Variants in GNAO1 observed in about 807,000 individuals in gnomAD.
GNAO1 encodes guanine nucleotide-binding protein G(o) subunit alpha.
For synonymous variants in GNAO1, 164 were observed against 180.7 expected (o/e 0.91, Z 0.74); for missense variants, 166 against 478.7 (o/e 0.35, Z 6.10).
intron 2 of GNAO1, chr16:56,213,262 C>G (rs2036407525): frequency 2.5e-6 from 1 of 397,792 alleles, no homozygotes; most frequent in Non-Finnish European, 4.4e-6. Flanking sequence ...TTTTTTTTCC[C>G]ACTCTGCAGA....
chr16:56,335,986 G>T (rs1334408472), intron 5 of GNAO1, among the ~76,000 whole-genome samples: 11 of 152,152 alleles, frequency 7.2e-5, no homozygotes, highest in African/African-American at 2.7e-4. Flanking sequence ...TCCCCCTCTG[G>T]CAGGCTGTGT....
intron 2 of GNAO1, among the ~76,000 whole-genome samples, chr16:56,224,117 C>T (rs555040467): frequency 6.6e-6 from 1 of 152,272 alleles, no homozygotes; most frequent in Non-Finnish European, 1.5e-5. Context: ...CCTGTCTGGC[C>T]AGTACGTCTT....
chr16:56,223,392 T>TA (rs1425248202), intron 2 of GNAO1, among the ~76,000 whole-genome samples: 1 of 152,258 alleles, frequency 6.6e-6, no homozygotes, highest in Non-Finnish European at 1.5e-5. Context: ...CCTCCATTGT[T>TA]ATATCTCTCT....
At chr16:56,319,865 C>G (rs2037554381) in intron 3 of GNAO1, among the ~76,000 whole-genome samples, 1 of 152,106 alleles carries the variant, frequency 6.6e-6, no homozygotes, top group Non-Finnish European at 1.5e-5. Flanking sequence ...CCTTGCCCAC[C>G]CCTTTCTCCA....
At chr16:56,234,055 G>A (rs1303930561) in intron 2 of GNAO1, among the ~76,000 whole-genome samples, 1 of 152,190 alleles carries the variant, frequency 6.6e-6, no homozygotes, top group Non-Finnish European at 1.5e-5. Flanking sequence ...CTGGGAGGTT[G>A]ATTCACTTCT....
chr16:56,212,130 A>AC (rs1402269889), intron 2 of GNAO1, among the ~76,000 whole-genome samples: 15 of 152,316 alleles, frequency 9.8e-5, no homozygotes, highest in African/African-American at 3.6e-4. Context: ...AGTGGCTTTT[A>AC]CTGTTTAAAA....
At chr16:56,253,624 G>A (rs1331977209) in intron 2 of GNAO1, among the ~76,000 whole-genome samples, 1 of 152,178 alleles carries the variant, frequency 6.6e-6, no homozygotes, top group Admixed American at 6.5e-5. Context: ...CAGCTCACTG[G>A]GCCACTCTTC....
intron 3 of GNAO1, chr16:56,300,884 A>G (rs1284954921): frequency 1.3e-5 from 2 of 152,180 alleles, no homozygotes; most frequent in Admixed American, 6.5e-5. Context: ...AGTTTTACTT[A>G]AGCCTCATTT....
intron 6 of GNAO1, chr16:56,346,658 A>G (rs3811360): frequency 0.11 from 112,372 of 985,218 alleles, 6,456 homozygotes; most frequent in East Asian, 0.16. Context: ...TCTGGGTTCC[A>G]TGGGGACCCT....
At chr16:56,257,259 C>A (rs551994837) in intron 2 of GNAO1, among the ~76,000 whole-genome samples, 34 of 152,290 alleles carry the variant, frequency 2.2e-4, no homozygotes, top group African/African-American at 6.5e-4. Flanking sequence ...GTTGAGTCGG[C>A]AATCCATGGT....
chr16:56,329,334 G>T, intron 4 of GNAO1: 1 of 152,322 alleles, frequency 6.6e-6, no homozygotes, highest in Non-Finnish European at 1.5e-5. Flanking sequence ...GATGACAGGA[G>T]GGCAGGAGGA....
chr16:56,318,359 C>T (rs2037535259), intron 3 of GNAO1, among the ~76,000 whole-genome samples: 1 of 152,204 alleles, frequency 6.6e-6, no homozygotes, highest in Non-Finnish European at 1.5e-5. Context: ...GGTCTCTCTG[C>T]CCCTTCGCGT....
intron 2 of GNAO1, among the ~76,000 whole-genome samples, chr16:56,263,521 T>C (rs1252719520): frequency 1.3e-5 from 2 of 152,028 alleles, no homozygotes; most frequent in African/African-American, 4.8e-5. Flanking sequence ...CACAGAATAA[T>C]GTAGGGAAGG....
At chr16:56,234,004 C>T (rs1231191321) in intron 2 of GNAO1, among the ~76,000 whole-genome samples, 1 of 152,238 alleles carries the variant, frequency 6.6e-6, no homozygotes, top group Non-Finnish European at 1.5e-5. Flanking sequence ...CCCCCAGCCT[C>T]TCTACCTTCA....
intron 2 of GNAO1, among the ~76,000 whole-genome samples, chr16:56,234,327 C>G (rs1409323449): frequency 6.6e-6 from 1 of 152,260 alleles, no homozygotes; most frequent in African/African-American, 2.4e-5. Context: ...GGCCTTGGCC[C>G]TCTGGCCAGA....
At chr16:56,344,840 A>G in intron 6 of GNAO1, 1 of 985,396 alleles carries the variant, frequency 1.0e-6, no homozygotes, top group Middle Eastern at 5.2e-4. Flanking sequence ...TTCAACTCAA[A>G]CCAGCAAAGG....
At chr16:56,344,674 G>C in intron 6 of GNAO1, 1 of 985,642 alleles carries the variant, frequency 1.0e-6, no homozygotes, top group Non-Finnish European at 1.2e-6. Context: ...GAGGTGCGGG[G>C]AAGGGAGGTG....
Position 56,286,861 on chromosome 16 carries a change from T to C in GNAO1, c.303+10789T>C, listed in dbSNP as rs559055960. Among the ~76,000 whole-genome samples, 17 of 152,190 alleles carry C rather than the reference T, an allele frequency of 1.1e-4. No homozygotes were observed. The Middle Eastern group carries it at 0.01, about 91-fold the overall frequency. Reference sequence around the variant, plus strand: ...CCCCCAGAGGAAAACCAGAAGCTCCTGAAAAAGGAAATAGAATAGGAGGAA... The same window carrying C: ...CCCCCAGAGGAAAACCAGAAGCTCCCGAAAAAGGAAATAGAATAGGAGGAA... On this transcript the variant is annotated intron_variant, in intron 3 of 8. Coordinates refer to ENST00000262493, the MANE Select transcript of GNAO1 (RefSeq NM_020988.3).
In GNAO1 at chr16:56,253,309, A is replaced by G. The variant is rs1346199472; in HGVS notation, c.162-22622A>G. On this transcript the variant is annotated intron_variant, in intron 2 of 8. Transcript: ENST00000262493. ...TGTCTTATCACGAAGATTAGCAGGG[A>G]GGAAGCTGGGATGTGGAGTCAGAAG... Among the ~76,000 whole-genome samples, 3 of 152,290 alleles carry G rather than the reference A, an allele frequency of 2.0e-5. No individual in the cohort carries two copies. In the East Asian group the frequency reaches 5.8e-4, roughly 29 times the overall value.
Sources: allele counts gnomAD v4.1 joint callset (sites outside exome capture counted in the v4.1 genomes callset), GRCh38; gene constraint gnomAD v4.1.1; transcripts MANE v1.5; gene names NCBI Gene and HGNC (gene_info 2026-07-23, HGNC 2026-07-21).